NEK1: variants seen among roughly 807,000 people sequenced by gnomAD.
The protein encoded by NEK1 is NIMA related kinase 1.
In NEK1, 137 loss-of-function variants were observed where a neutral mutation model predicts 182.1. That is an observed-to-expected ratio of 0.75 (90% CI 0.65 to 0.87). NEK1 has a LOEUF of 0.87. NEK1 is among the 40% of genes least tolerant of loss of function. The pLI, the probability that NEK1 is intolerant of heterozygous loss-of-function variation, is 0.00. For missense variants in NEK1, 1,391 were observed against 1,494.4 expected, an observed-to-expected ratio of 0.93 and a Z score of 1.14; for synonymous variants, 513 against 492.2, an observed-to-expected ratio of 1.04 and a Z score of -0.56.
At chr4:169,443,074 T>TCTATCTAC (rs1215193517) in intron 27 of NEK1, among the ~76,000 whole-genome samples, 1 of 150,794 alleles carries the variant, frequency 6.6e-6, no homozygotes, top group Non-Finnish European at 1.5e-5. Flanking sequence ...TATCTATCTA[T>TCTATCTAC]CTATCTATCT....
At chr4:169,414,656 G>A (rs369621032) in intron 31 of NEK1, among the ~76,000 whole-genome samples, 1 of 152,174 alleles carries the variant, frequency 6.6e-6, no homozygotes, top group East Asian at 1.9e-4. Context: ...ACCAGCAGCA[G>A]AATTACTTAC....
chr4:169,486,869 CCTAATT>C (rs944522827), intron 23 of NEK1, among the ~76,000 whole-genome samples: 1 of 152,116 alleles, frequency 6.6e-6, no homozygotes, highest in Non-Finnish European at 1.5e-5. Flanking sequence ...ACAGAATCTC[CCTAATT>C]CTATTTTTCA....
At chr4:169,589,182 G>A (rs763460589) in intron 7 of NEK1, among the ~76,000 whole-genome samples, 10 of 152,044 alleles carry the variant, frequency 6.6e-5, no homozygotes, top group African/African-American at 1.7e-4. Context: ...ATGCTGTACC[G>A]GTTTGTAGCC....
chr4:169,396,221 C>T (rs1258766142), intron 35 of NEK1, among the ~76,000 whole-genome samples: 1 of 151,710 alleles, frequency 6.6e-6, no homozygotes, highest in East Asian at 1.9e-4. Context: ...CAAAAATTAG[C>T]TGGGTGTGGT....
At chr4:169,581,360 T>C (rs1161429235) in intron 10 of NEK1, among the ~76,000 whole-genome samples, 1 of 152,038 alleles carries the variant, frequency 6.6e-6, no homozygotes, top group Non-Finnish European at 1.5e-5. Context: ...CTTGACCTCC[T>C]AGGCTCAAGC....
chr4:169,494,611 C>T (rs1428524561), intron 23 of NEK1, among the ~76,000 whole-genome samples: 1 of 152,096 alleles, frequency 6.6e-6, no homozygotes, highest in Non-Finnish European at 1.5e-5. Context: ...GGGTACATAC[C>T]CAGTAATGGG....
At position 169,440,777 on chromosome 4, in the gene NEK1, C is replaced by T. The variant is rs555410028; in HGVS notation, c.2588-2518G>A. ...TGGACTCCTGCAAGCCTAGCCATGG[C>T]TCCTCAGCCCTCAAGCGCCCTGAGA... On this transcript the variant is annotated intron_variant, in intron 27 of 35. Transcript: ENST00000507142. 2.8e-4 allele frequency among the ~76,000 whole-genome samples: 42 copies of T among 152,318 alleles called. 1 individual carries two copies. The South Asian group carries it at 8.3e-3, about 30-fold the overall frequency.
At chr4:169,452,165 G>T (rs1444683686) in intron 27 of NEK1, among the ~76,000 whole-genome samples, 1 of 152,164 alleles carries the variant, frequency 6.6e-6, no homozygotes, top group Non-Finnish European at 1.5e-5. Flanking sequence ...CTGAAATTGA[G>T]GCAATAATTA....
In NEK1 at chr4:169,400,304, T is replaced by C. The variant is rs938396882; in HGVS notation, c.3768A>G (p.Gln1256=). The C allele has an allele frequency of 1.1e-5, 17 of 1,550,816 alleles. No individual in the cohort carries two copies. The highest frequency in any genetic ancestry group is 1.4e-5 in the Non-Finnish European group (16 of 1,144,742). Residue 1256 remains glutamine, a synonymous_variant, in exon 35 of 36, where the codon CAA becomes CAG. Transcript: ENST00000507142. The stretch of plus-strand genomic sequence containing the variant: ...GCTGATGTTCATTTCCCAAAATATT[T>C]TGAACTATTTTTGAACAAATTTCAA... ...ENIEICSKIV[Q]NILGNEHQHL...
intron 16 of NEK1, among the ~76,000 whole-genome samples, chr4:169,558,250 T>A (rs1480773949): frequency 1.3e-5 from 2 of 152,208 alleles, no homozygotes; most frequent in East Asian, 3.8e-4. Context: ...CAAAATAATG[T>A]TGAAAATACT....
intron 10 of NEK1, among the ~76,000 whole-genome samples, chr4:169,584,148 C>T (rs7661708): frequency 0.28 from 42,921 of 151,808 alleles, 8,623 homozygotes; most frequent in African/African-American, 0.58. Context: ...TAGATTGCTT[C>T]AAAAATCTTG....
chr4:169,608,303 A>T (rs1384505949), intron 2 of NEK1, among the ~76,000 whole-genome samples: 1 of 152,220 alleles, frequency 6.6e-6, no homozygotes, highest in Non-Finnish European at 1.5e-5. Context: ...GTTAATAATC[A>T]TAGTGACATT....
chr4:169,564,515 C>A (rs992196197), intron 12 of NEK1, among the ~76,000 whole-genome samples: 3 of 152,062 alleles, frequency 2.0e-5, no homozygotes, highest in African/African-American at 7.2e-5. Context: ...CACTAAAATT[C>A]TAACCCTGAA....
At chr4:169,580,943 T>A in intron 10 of NEK1, 41 bp from the exon 11 acceptor site, 1 of 1,199,552 alleles carries the variant, frequency 8.3e-7, no homozygotes, top group Non-Finnish European at 1.2e-6. Flanking sequence ...GATGTTACAT[T>A]TTCAAAATAA....
intron 12 of NEK1, among the ~76,000 whole-genome samples, chr4:169,563,086 G>T (rs1763166316): frequency 6.6e-6 from 1 of 152,104 alleles, no homozygotes; most frequent in Non-Finnish European, 1.5e-5. Flanking sequence ...CGGGACTGAT[G>T]TGGTAGCTCA....
intron 19 of NEK1, among the ~76,000 whole-genome samples, chr4:169,530,640 A>AT (rs150993863): frequency 0.063 from 9,633 of 151,944 alleles, 419 homozygotes; most frequent in South Asian, 0.12. Flanking sequence ...GTCAAGGAAC[A>AT]TATGTATGTA....
chr4:169,418,802 G>C (rs916156751), intron 31 of NEK1, among the ~76,000 whole-genome samples: 3 of 152,048 alleles, frequency 2.0e-5, no homozygotes, highest in Non-Finnish European at 2.9e-5. Context: ...AGAAAAGGTA[G>C]TAGAGAGAGA....
chr4:169,436,345 G>A (rs1459306846), intron 28 of NEK1, among the ~76,000 whole-genome samples: 1 of 152,194 alleles, frequency 6.6e-6, no homozygotes, highest in African/African-American at 2.4e-5. Context: ...GGAGCAGGCA[G>A]AAATTGGAAG....
At chr4:169,405,283 T>C (rs1018171070) in intron 32 of NEK1, among the ~76,000 whole-genome samples, 6 of 152,230 alleles carry the variant, frequency 3.9e-5, no homozygotes, top group Admixed American at 3.9e-4. Flanking sequence ...AGCATATGAC[T>C]GTACTCAGTA....
Sources: allele counts gnomAD v4.1 joint callset (sites outside exome capture counted in the v4.1 genomes callset), GRCh38; gene constraint gnomAD v4.1.1; transcripts MANE v1.5; gene names NCBI Gene and HGNC (gene_info 2026-07-23, HGNC 2026-07-21).